TCF3: variants seen among roughly 807,000 people sequenced by gnomAD.
TCF3 encodes transcription factor E2-alpha.
A neutral mutation model predicts 72.3 loss-of-function variants in TCF3; 54 were observed. The observed-to-expected ratio is 0.75, with a 90% confidence interval of 0.60 to 0.94. The LOEUF (loss-of-function observed/expected upper bound fraction) is 0.94. TCF3 is among the 40% of genes least tolerant of loss of function. The pLI, the probability that TCF3 is intolerant of heterozygous loss-of-function variation, is 0.00. For synonymous variants in TCF3, 525 were observed against 412.6 expected, an observed-to-expected ratio of 1.27 and a Z score of -3.30; for missense variants, 1,078 against 934.4, an observed-to-expected ratio of 1.15 and a Z score of -2.00.
In TCF3 at chr19:1,632,359, C is replaced by A. The variant is rs751149474; in HGVS notation, c.192G>T (p.Gln64His). 1.3e-6 allele frequency: 2 copies of A among 1,592,568 alleles called. No individual in the cohort carries two copies. The highest frequency in any genetic ancestry group is 3.5e-5 in the Admixed American group (2 of 57,216). ...GGCTGGGGTCAAAGGAGGAGCTGCT[C>A]TGGTCGCCGCTGCCCCAGGAGCCTG... Reference protein sequence around the residue: ...PSSGSWGSGDQSSSSFDPSRT... With the variant: ...PSSGSWGSGDHSSSSFDPSRT... The change falls in exon 4 of 19, where the codon CAG (glutamine) becomes CAT (histidine). Residue 64 changes from glutamine (Q) to histidine (H), a missense_variant. Transcript: ENST00000262965.
intron 11 of TCF3, among the ~76,000 whole-genome samples, chr19:1,621,621 G>T (rs911673637): frequency 6.6e-6 from 1 of 152,082 alleles, no homozygotes; most frequent in South Asian, 2.1e-4. Context: ...GCTGTAAGGC[G>T]GGAAAGCCGC....
intron 18 of TCF3, 131 bp from the exon 19 acceptor site, chr19:1,611,980 C>G: frequency 1.3e-6 from 1 of 744,930 alleles, no homozygotes; most frequent in South Asian, 1.9e-5. Flanking sequence ...TCCTGTATTT[C>G]CGGCTCTCAC....
chr19:1,630,976 C>T (rs1267939961), intron 5 of TCF3, among the ~76,000 whole-genome samples: 1 of 152,214 alleles, frequency 6.6e-6, no homozygotes, highest in East Asian at 1.9e-4. Flanking sequence ...GAGGGCGTCC[C>T]AGTCAGCCCC....
At chr19:1,648,498 C>A (rs117809435) in intron 2 of TCF3, among the ~76,000 whole-genome samples, 3 of 152,306 alleles carry the variant, frequency 2.0e-5, no homozygotes, top group East Asian at 3.9e-4. Context: ...GCCCCCTCCC[C>A]CCAAACGCTG....
chr19:1,623,041 G>T (rs1198443515), intron 8 of TCF3, among the ~76,000 whole-genome samples: 3 of 152,148 alleles, frequency 2.0e-5, no homozygotes, highest in Non-Finnish European at 4.4e-5. Context: ...GGAAGGAGGG[G>T]AGTGAGTGAT....
intron 15 of TCF3, 24 bp from the exon 16 acceptor site, chr19:1,619,258 C>T (rs757203770): frequency 1.3e-5 from 21 of 1,579,828 alleles, no homozygotes; most frequent in South Asian, 1.3e-4. Context: ...GAGACGGGTG[C>T]ATCAGGGGGA....
At chr19:1,629,203 G>C (rs1479774294) in intron 5 of TCF3, among the ~76,000 whole-genome samples, 1 of 151,990 alleles carries the variant, frequency 6.6e-6, no homozygotes, top group African/African-American at 2.4e-5. Context: ...TCTGTTTCAG[G>C]CGTTGAGGGG....
chr19:1,639,089 G>A (rs1358682357), intron 3 of TCF3, among the ~76,000 whole-genome samples: 2 of 152,200 alleles, frequency 1.3e-5, no homozygotes, highest in Non-Finnish European at 1.5e-5. Flanking sequence ...TGTCGCCCAG[G>A]GTGGAGTGCG....
rs183697652 is a variant in TCF3 at position 1,612,518 on chromosome 19, C to A, written c.1823-669G>T. The A allele has an allele frequency of 4.3e-4, 587 of 1,356,230 alleles. 1 individual carries two copies. The African/African-American group carries it at 7.9e-3, about 18-fold the overall frequency. The allele number at this position is 1,356,230 out of a possible 1,614,324, so 84.0% of individuals were successfully genotyped here. On this transcript the variant is annotated intron_variant, in intron 18 of 18. Transcript: ENST00000262965. ...GCTGGGTTGTGGAGAGGGTATCCAGCTACTTGTGTTTGTGCTGGTGTGGGC... is the reference window on the plus strand; with the variant it reads ...GCTGGGTTGTGGAGAGGGTATCCAGATACTTGTGTTTGTGCTGGTGTGGGC...
At chr19:1,643,273 G>A (rs1416929636) in intron 3 of TCF3, among the ~76,000 whole-genome samples, 3 of 151,462 alleles carry the variant, frequency 2.0e-5, no homozygotes, top group Admixed American at 2.0e-4. Context: ...CAGGCTGCAG[G>A]GCAGTGGCGC....
chr19:1,646,054 C>A lies in TCF3; in HGVS notation c.145+301G>T, dbSNP rs539331743. ...GATGCTCGAGATCCCCACCCACACA[C>A]AGGCCCAGCTCCAACCCTGCGCCTA... is the stretch of plus-strand genomic sequence containing the variant. On this transcript the variant is annotated intron_variant, in intron 3 of 18. Coordinates refer to ENST00000262965, the MANE Select transcript of TCF3 (RefSeq NM_003200.5). Among the ~76,000 whole-genome samples, 7 of 152,266 alleles carry A rather than the reference C, an allele frequency of 4.6e-5. No individual in the cohort carries two copies. The South Asian group carries it at 1.5e-3, about 32-fold the overall frequency.
chr19:1,647,176 C>A (rs2066250150), intron 2 of TCF3, among the ~76,000 whole-genome samples: 2 of 151,870 alleles, frequency 1.3e-5, no homozygotes, highest in Non-Finnish European at 1.5e-5. Flanking sequence ...GCCCGGCTCA[C>A]CCGTACCCAG....
At chr19:1,644,371 C>G (rs1252736349) in intron 3 of TCF3, among the ~76,000 whole-genome samples, 1 of 151,166 alleles carries the variant, frequency 6.6e-6, no homozygotes, top group African/African-American at 2.4e-5. Context: ...CTCAGGCGGG[C>G]GTTAACTGCA....
rs1043017846 is a variant in TCF3, at chr19:1,623,995, G to T, written c.505C>A (p.Gln169Lys). 8.7e-6 allele frequency: 14 copies of T among 1,613,352 alleles called. No homozygotes were observed. Among genetic ancestry groups the T allele is most frequent in the Non-Finnish European group, 1.2e-5 (14 of 1,179,958 alleles). The change falls in exon 8 of 19, where the codon CAG becomes AAG. Residue 169 changes from glutamine to lysine, a missense_variant. Gln to Lys is a moderately conservative substitution (Grantham distance 53). Coordinates refer to ENST00000262965, the MANE Select transcript of TCF3 (RefSeq NM_003200.5). Reference protein sequence around the residue: ...RRAADGSLDTQPKKVRKVPPG... With the variant: ...RRAADGSLDTKPKKVRKVPPG... ...GGGACCTTCCGGACCTTCTTGGGCTGCGTGTCTGTTAGAAGCAAAAGGGGT... is the reference window on the plus strand; with the variant it reads ...GGGACCTTCCGGACCTTCTTGGGCTTCGTGTCTGTTAGAAGCAAAAGGGGT...
chr19:1,621,120 C>G lies in TCF3; in HGVS notation c.1014+13G>C. 1 of 1,539,408 alleles carries G rather than the reference C, an allele frequency of 6.5e-7. No individual in the cohort carries two copies. The highest frequency in any genetic ancestry group is 2.0e-5 in the Admixed American group (1 of 50,660). On this transcript the variant is annotated intron_variant, in intron 12 of 18. Coordinates refer to ENST00000262965, the MANE Select transcript of TCF3 (RefSeq NM_003200.5). ...GTCACTTGCCTGGCCACCCCCCATG[C>G]CCCACGCCTCACCGAGGCCAGTGCT...
intron 3 of TCF3, among the ~76,000 whole-genome samples, chr19:1,642,937 A>G (rs574395940): frequency 4.7e-4 from 71 of 152,312 alleles, no homozygotes; most frequent in Non-Finnish European, 8.1e-4. Flanking sequence ...CGTGTGTCAC[A>G]CTTACAATCG....
At chr19:1,644,381 A>G (rs987748075) in intron 3 of TCF3, among the ~76,000 whole-genome samples, 3 of 147,686 alleles carry the variant, frequency 2.0e-5, no homozygotes, top group African/African-American at 7.4e-5. Context: ...CGTTAACTGC[A>G]TGGACTGAAC....
intron 11 of TCF3, 24 bp downstream of exon 11, chr19:1,621,814 C>T: frequency 1.3e-6 from 2 of 1,567,714 alleles, no homozygotes; most frequent in South Asian, 2.4e-5. Context: ...CTCGGAGAGG[C>T]CGCATCCCAG....
intron 3 of TCF3, among the ~76,000 whole-genome samples, chr19:1,640,016 A>G (rs189423199): frequency 6.6e-6 from 1 of 152,346 alleles, no homozygotes; most frequent in African/African-American, 2.4e-5. Flanking sequence ...AAGAAAAATC[A>G]ACGAGAGAGA....
Sources: allele counts gnomAD v4.1 joint callset (sites outside exome capture counted in the v4.1 genomes callset), GRCh38; gene constraint gnomAD v4.1.1; transcripts MANE v1.5; gene names NCBI Gene and HGNC (gene_info 2026-07-23, HGNC 2026-07-21).